Variants in C18orf63 observed in about 807,000 individuals in gnomAD.
The protein encoded by C18orf63 is chromosome 18 open reading frame 63.
In C18orf63, 50 loss-of-function variants were observed where a neutral mutation model predicts 75.3. The observed-to-expected ratio is 0.66, with a 90% CI of 0.53 to 0.84. The LOEUF is 0.84. C18orf63 is among the 40% of genes least tolerant of loss of function. The pLI is 0.00. For missense variants in C18orf63, 732 were observed against 800.2 expected, an observed-to-expected ratio of 0.91 and a Z score of 1.03; for synonymous variants, 232 against 267.6, an observed-to-expected ratio of 0.87 and a Z score of 1.30.
intron 11 of C18orf63, among the ~76,000 whole-genome samples, chr18:74,352,855 G>A (rs1362870): frequency 0.73 from 110,630 of 152,088 alleles, 40,329 homozygotes; most frequent in Non-Finnish European, 0.75. Flanking sequence ...AAAAACAGTC[G>A]CTCTGTGGTA....
Position 74,320,601 on chromosome 18 carries a change from T to C in C18orf63, c.213+10T>C. The stretch of plus-strand genomic sequence containing the variant: ...CTGGGTGGTGATGGCGGTTAGTATT[T>C]TAATATTTTGTGAAATGTTATTACT... On this transcript the variant is annotated intron_variant, in intron 3 of 13. Transcript: ENST00000579455. 1 of 1,501,586 alleles carries C rather than the reference T, an allele frequency of 6.7e-7. No individual in the cohort carries two copies. The highest frequency in any genetic ancestry group is 9.0e-7 in the Non-Finnish European group (1 of 1,116,860). The allele number at this position is 1,501,586 out of a possible 1,614,324, so 93.0% of individuals were successfully genotyped here.
chr18:74,330,671 C>T (rs567236120), intron 6 of C18orf63, among the ~76,000 whole-genome samples, 195 bp from the exon 7 acceptor site: 6 of 152,058 alleles, frequency 3.9e-5, no homozygotes, highest in South Asian at 2.1e-4. Flanking sequence ...TGTTTCATAC[C>T]TTTGTCCTCT....
At chr18:74,324,238 G>A (rs778314450) in intron 4 of C18orf63, among the ~76,000 whole-genome samples, 5 of 152,136 alleles carry the variant, frequency 3.3e-5, no homozygotes, top group Non-Finnish European at 5.9e-5. Flanking sequence ...TTTTCGCTTT[G>A]CAAACATTTA....
At chr18:74,336,498 T>C (rs115759545) in intron 7 of C18orf63, among the ~76,000 whole-genome samples, 1,851 of 152,196 alleles carry the variant, frequency 0.012, 18 homozygotes, top group South Asian at 0.048. Context: ...AAACTGATTT[T>C]TCTAGAATCT....
chr18:74,325,897 A>T (rs1417160486), intron 4 of C18orf63, among the ~76,000 whole-genome samples: 1 of 152,214 alleles, frequency 6.6e-6, no homozygotes, highest in Admixed American at 6.5e-5. Flanking sequence ...CATCCAGGTC[A>T]CCAAGCAGGA....
chr18:74,318,027 CTT>C (rs1408914153), intron 2 of C18orf63, 28 bp downstream of exon 2: 5 of 1,397,882 alleles, frequency 3.6e-6, no homozygotes, highest in Non-Finnish European at 4.7e-6. Flanking sequence ...ATAACTAAGA[CTT>C]TTAAAACTTT....
At chr18:74,354,386 T>C in intron 12 of C18orf63, 71 bp from the exon 13 acceptor site, 1 of 1,236,380 alleles carries the variant, frequency 8.1e-7, no homozygotes, top group South Asian at 1.5e-5. Flanking sequence ...ATAAACAGAA[T>C]ATCTACCCTA....
intron 7 of C18orf63, among the ~76,000 whole-genome samples, chr18:74,334,906 T>A (rs1211340377): frequency 2.0e-5 from 3 of 152,166 alleles, no homozygotes; most frequent in Non-Finnish European, 4.4e-5. Flanking sequence ...TCAAAGATAG[T>A]ATGGTCTTTC....
chr18:74,336,696 T>C (rs1358506160), intron 7 of C18orf63, among the ~76,000 whole-genome samples: 1 of 152,080 alleles, frequency 6.6e-6, no homozygotes, highest in Non-Finnish European at 1.5e-5. Flanking sequence ...TTCAAATGAA[T>C]GTACTAATGG....
At chr18:74,355,355 G>GA (rs1467082743) in intron 13 of C18orf63, among the ~76,000 whole-genome samples, 9 of 151,958 alleles carry the variant, frequency 5.9e-5, no homozygotes, top group African/African-American at 2.2e-4. Context: ...GTGACTGAGG[G>GA]AAAAATGCAT....
chr18:74,351,699 G>A lies in C18orf63; in HGVS notation c.979-1547G>A, dbSNP rs538203187. ...AAGCAACTAAATGTTGGTGTGATTTGTTTATGCCTAATAGATAATTGGATT... is the reference window on the plus strand; with the variant it reads ...AAGCAACTAAATGTTGGTGTGATTTATTTATGCCTAATAGATAATTGGATT... On this transcript the variant is annotated intron_variant, in intron 11 of 13. Coordinates refer to ENST00000579455, the MANE Select transcript of C18orf63 (RefSeq NM_001174123.2). 8.5e-5 allele frequency among the ~76,000 whole-genome samples: 13 copies of A among 152,300 alleles called. No individual in the cohort carries two copies. The East Asian group carries it at 2.3e-3, about 27-fold the overall frequency.
chr18:74,340,698 T>C (rs191057082), intron 8 of C18orf63, among the ~76,000 whole-genome samples: 1 of 152,002 alleles, frequency 6.6e-6, no homozygotes, highest in African/African-American at 2.4e-5. Context: ...AATCCTGTCA[T>C]TTGCAACATG....
intron 2 of C18orf63, among the ~76,000 whole-genome samples, chr18:74,319,928 T>C: frequency 6.6e-6 from 1 of 152,202 alleles, no homozygotes; most frequent in Non-Finnish European, 1.5e-5. Context: ...AGCATTAGTA[T>C]CTAAAACTTC....
chr18:74,358,744 A>C lies in C18orf63; in HGVS notation c.*2297A>C, dbSNP rs1332083125. 7.9e-5 allele frequency: 12 copies of C among 152,190 alleles called. No individual in the cohort carries two copies. The allele number at this position is 152,190 out of a possible 1,614,324, so 9.4% of individuals were successfully genotyped here. ...AAGAAATCAGCGATTACTTTAAAAAATATATGGCAATGTCAAAATAAATGC... is the reference window on the plus strand; with the variant it reads ...AAGAAATCAGCGATTACTTTAAAAACTATATGGCAATGTCAAAATAAATGC... On this transcript the variant is annotated 3_prime_UTR_variant, in exon 14 of 14. Coordinates refer to ENST00000579455, the MANE Select transcript of C18orf63 (RefSeq NM_001174123.2).
chr18:74,344,305 G>A lies in C18orf63; in HGVS notation c.978+603G>A, dbSNP rs986471615. ...AGACTTAACTTGAAATCAGATTCAC[G>A]GTTTTTATTTTTACTGAGGCTGGAA... On this transcript the variant is annotated intron_variant, in intron 11 of 13. Coordinates refer to ENST00000579455, the MANE Select transcript of C18orf63 (RefSeq NM_001174123.2). Among the ~76,000 whole-genome samples the A allele has an allele frequency of 7.2e-5, 11 of 152,178 alleles. No homozygotes were observed. In the South Asian group the frequency reaches 8.3e-4, roughly 11 times the overall value.
intron 3 of C18orf63, among the ~76,000 whole-genome samples, chr18:74,321,524 C>G (rs542618864): frequency 1.3e-5 from 2 of 152,034 alleles, no homozygotes; most frequent in African/African-American, 4.8e-5. Flanking sequence ...AGGCTGGTCT[C>G]GAACTCCTGA....
intron 11 of C18orf63, among the ~76,000 whole-genome samples, chr18:74,352,208 T>G (rs1376078464): frequency 2.0e-5 from 3 of 151,950 alleles, no homozygotes; most frequent in Non-Finnish European, 4.4e-5. Context: ...ATTCATAGAA[T>G]AGAAAGTAAA....
chr18:74,320,665 A>G (rs1599284818), intron 3 of C18orf63, 74 bp downstream of exon 3: 2 of 872,830 alleles, frequency 2.3e-6, no homozygotes, highest in Admixed American at 2.5e-5. Flanking sequence ...TTTAGGTATT[A>G]TAGCTAAAGT....
intron 11 of C18orf63, among the ~76,000 whole-genome samples, chr18:74,344,335 T>C (rs868398779): frequency 2.6e-5 from 4 of 152,064 alleles, no homozygotes; most frequent in African/African-American, 4.8e-5. Context: ...CTGGAAACTA[T>C]TGGGGAGGGA....
Sources: gnomAD v4.1 joint callset for allele counts (sites outside exome capture counted in the v4.1 genomes callset) on GRCh38, gnomAD v4.1.1 for gene constraint, MANE v1.5 for transcripts, NCBI Gene and HGNC (gene_info 2026-07-23, HGNC 2026-07-21) for gene names.